FRY: variants seen among roughly 807,000 people sequenced by gnomAD.
FRY encodes the protein protein furry homolog.
Under a neutral mutation model 348.4 loss-of-function variants are expected in FRY, and 128 were observed. The observed-to-expected ratio is 0.37, with a 90% CI of 0.32 to 0.43. The LOEUF (loss-of-function observed/expected upper bound fraction) is 0.43. Ranked by LOEUF, FRY falls within the 20% of genes least tolerant of loss-of-function variation. FRY has a pLI of 1.00. For missense variants in FRY, 2,736 were observed against 3,695.2 expected, an observed-to-expected ratio of 0.74 and a Z score of 6.73; for synonymous variants, 1,370 against 1,374.7, an observed-to-expected ratio of 1.00 and a Z score of 0.08.
chr13:32,100,092 T>C (rs1485396901), intron 2 of FRY, among the ~76,000 whole-genome samples: 1 of 148,440 alleles, frequency 6.7e-6, no homozygotes, highest in African/African-American at 2.4e-5. Context: ...TGCTTTCAAC[T>C]TTTTATTTTA....
chr13:32,199,589 T>G (rs1883883837), intron 29 of FRY, among the ~76,000 whole-genome samples: 1 of 152,186 alleles, frequency 6.6e-6, no homozygotes, highest in South Asian at 2.1e-4. Context: ...TGAAAGGACA[T>G]GAGATACTTC....
chr13:32,044,269 T>G (rs1211792503), intron 1 of FRY, among the ~76,000 whole-genome samples: 1 of 152,206 alleles, frequency 6.6e-6, no homozygotes, highest in Non-Finnish European at 1.5e-5. Flanking sequence ...TATTTTCCAG[T>G]AAGGTTTATA....
chr13:32,289,904 A>T (rs1003749148), intron 59 of FRY, among the ~76,000 whole-genome samples, 161 bp downstream of exon 59: 2 of 152,302 alleles, frequency 1.3e-5, no homozygotes, highest in East Asian at 3.9e-4. Context: ...ATGTATTTCT[A>T]TTCTCATTTT....
chr13:32,167,626 A>G (rs571120211), intron 17 of FRY, among the ~76,000 whole-genome samples: 55 of 152,320 alleles, frequency 3.6e-4, no homozygotes, highest in Non-Finnish European at 6.0e-4. Flanking sequence ...AAACATATGA[A>G]TTTTGTGGGA....
intron 58 of FRY, among the ~76,000 whole-genome samples, chr13:32,286,368 A>G (rs879286533): frequency 5.9e-5 from 9 of 152,206 alleles, no homozygotes; most frequent in Admixed American, 4.6e-4. Context: ...ATTTAAAAAA[A>G]AATACATTCT....
intron 1 of FRY, among the ~76,000 whole-genome samples, 188 bp downstream of exon 1, chr13:32,032,053 T>A (rs1250385659): frequency 6.9e-6 from 1 of 144,176 alleles, no homozygotes; most frequent in East Asian, 1.9e-4. Flanking sequence ...CTTTTTTTGC[T>A]CCCATCTGCT....
At position 32,237,423 on chromosome 13, in the gene FRY, G is replaced by A; in HGVS notation, c.5855G>A (p.Ser1952Asn). Residue 1952 changes from serine to asparagine, a missense_variant, in exon 44 of 61, where the codon AGC (serine) becomes AAC (asparagine). Coordinates refer to ENST00000542859, the MANE Select transcript of FRY (RefSeq NM_023037.3). The surrounding 1 kb of genome is among the most constrained non-coding windows in gnomAD (Gnocchi z 6.3). ...DLSSSSKLTA[S>N]RKSTGQLNMN... ...AGCTCCAGCAGTAAACTAACAGCAA[G>A]CAGAAAGAGCACAGGACAACTAAAC... 2 of 1,613,998 alleles carry A rather than the reference G, an allele frequency of 1.2e-6. No individual in the cohort carries two copies. Among genetic ancestry groups the A allele is most frequent in the African/African-American group, 1.3e-5 (1 of 75,000 alleles).
intron 18 of FRY, among the ~76,000 whole-genome samples, 160 bp from the exon 19 acceptor site, chr13:32,173,207 A>C (rs1172470840): frequency 6.6e-6 from 1 of 152,202 alleles, no homozygotes; most frequent in Admixed American, 6.5e-5. Context: ...AGGATATTTC[A>C]TGAATAATAA....
At chr13:32,275,099 C>G in intron 56 of FRY, 108 bp downstream of exon 56, 1 of 1,027,854 alleles carries the variant, frequency 9.7e-7, no homozygotes, top group Non-Finnish European at 1.5e-6. Context: ...TACCTTCTGG[C>G]CGGGTGCGGT....
intron 1 of FRY, among the ~76,000 whole-genome samples, chr13:32,041,689 C>G (rs902923108): frequency 1.3e-5 from 2 of 152,168 alleles, no homozygotes; most frequent in Non-Finnish European, 2.9e-5. Context: ...GCTTCTCTTC[C>G]AGGTTGAGGG....
chr13:32,072,132 A>C (rs9533369), intron 1 of FRY, among the ~76,000 whole-genome samples: 4,623 of 152,298 alleles, frequency 0.03, 81 homozygotes, highest in Non-Finnish European at 0.038. Context: ...TATCATGTAG[A>C]TTCTGAAACT....
intron 58 of FRY, among the ~76,000 whole-genome samples, chr13:32,281,119 G>C (rs2138619742): frequency 6.6e-6 from 1 of 152,164 alleles, no homozygotes; most frequent in South Asian, 2.1e-4. Context: ...TCAAAAAATA[G>C]AGTTCACCTA....
chr13:32,094,893 G>A (rs1876584264), intron 2 of FRY, among the ~76,000 whole-genome samples: 1 of 152,138 alleles, frequency 6.6e-6, no homozygotes, highest in Non-Finnish European at 1.5e-5. Flanking sequence ...TCATATGGTA[G>A]CTCTATTTCT....
chr13:32,244,644 T>A (rs896178623), intron 47 of FRY, among the ~76,000 whole-genome samples: 1 of 152,198 alleles, frequency 6.6e-6, no homozygotes, highest in Non-Finnish European at 1.5e-5. Flanking sequence ...TGCAGAAATA[T>A]ACTTGAAAAT....
At chr13:32,184,771 TTTTC>T (rs1258509948) in intron 25 of FRY, 80 bp downstream of exon 25, 1 of 1,036,918 alleles carries the variant, frequency 9.6e-7, no homozygotes, top group Non-Finnish European at 1.5e-6. Flanking sequence ...CTCTTTTGTC[TTTTC>T]TTTGTTTTTA....
chr13:32,238,652 A>C (rs970000823), intron 44 of FRY, among the ~76,000 whole-genome samples: 1 of 152,112 alleles, frequency 6.6e-6, no homozygotes, highest in East Asian at 1.9e-4. Context: ...GGGTTTCACC[A>C]TGTCGGCCAG....
intron 17 of FRY, among the ~76,000 whole-genome samples, chr13:32,165,719 A>C (rs900585512): frequency 6.6e-6 from 1 of 152,132 alleles, no homozygotes; most frequent in Non-Finnish European, 1.5e-5. Flanking sequence ...ATTTGAAATC[A>C]CCCCTTTTCT....
chr13:32,053,139 T>C (rs915014551), intron 1 of FRY, among the ~76,000 whole-genome samples: 2 of 152,104 alleles, frequency 1.3e-5, no homozygotes, highest in African/African-American at 4.8e-5. Context: ...AGTTCCTTAG[T>C]AACACTGACC....
rs912474694 is a variant in FRY, at chr13:32,261,768, C to T, written c.7569C>T (p.Ser2523=). The T allele has an allele frequency of 6.2e-6, 10 of 1,613,952 alleles. No individual in the cohort carries two copies. The highest frequency in any genetic ancestry group is 7.6e-6 in the Non-Finnish European group (9 of 1,179,988). ...KMHHEDSDES[S]EEEDLTASQI... Reference sequence around the variant, plus strand: ...ACCATGAGGACTCCGATGAATCATCCGAGGAGGAGGACCTCACAGCCAGCC... The same window carrying T: ...ACCATGAGGACTCCGATGAATCATCTGAGGAGGAGGACCTCACAGCCAGCC... Residue 2523 remains serine (S), a synonymous_variant, in exon 52 of 61, where the codon TCC becomes TCT. Coordinates refer to ENST00000542859, the MANE Select transcript of FRY (RefSeq NM_023037.3).
Sources: allele counts gnomAD v4.1 joint callset (sites outside exome capture counted in the v4.1 genomes callset), GRCh38; gene constraint gnomAD v4.1.1; non-coding constraint Gnocchi (gnomAD v3.1); transcripts MANE v1.5; gene names NCBI Gene and HGNC (gene_info 2026-07-23, HGNC 2026-07-21).